The following NKAIN2 variants were observed in gnomAD, a reference collection of about 807,000 sequenced individuals.
NKAIN2 encodes the protein sodium/potassium transporting ATPase interacting 2, also known as sodium/potassium-transporting ATPase subunit beta-1-interacting protein 2.
Under a neutral mutation model 32.6 loss-of-function variants are expected in NKAIN2, and 14 were observed. The ratio of observed to expected loss-of-function variants is 0.43; its 90% CI spans 0.28 to 0.67. NKAIN2 has a LOEUF of 0.67. Ranked by LOEUF, NKAIN2 falls within the 30% of genes least tolerant of loss-of-function variation. The probability of loss-of-function intolerance (pLI) is 0.17; values close to 1 mark genes in which losing one functional copy is unlikely to be tolerated. For missense variants in NKAIN2, 198 were observed against 258.3 expected (o/e 0.77, Z 1.60); for synonymous variants, 80 against 87.2 (o/e 0.92, Z 0.46).
chr6:124,700,898 A>ACACACT (rs1369604570), intron 4 of NKAIN2, among the ~76,000 whole-genome samples: 4 of 148,576 alleles, frequency 2.7e-5, no homozygotes, highest in Non-Finnish European at 6.0e-5. Context: ...ACACACACAC[A>ACACACT]CTCTCTCATC....
At chr6:124,448,418 T>C (rs980435314) in intron 3 of NKAIN2, among the ~76,000 whole-genome samples, 11 of 152,158 alleles carry the variant, frequency 7.2e-5, no homozygotes, top group Non-Finnish European at 1.2e-4. Flanking sequence ...GTCAATTCCC[T>C]TCAATAATCA....
intron 4 of NKAIN2, among the ~76,000 whole-genome samples, chr6:124,699,238 A>C (rs1309048840): frequency 6.6e-6 from 1 of 152,188 alleles, no homozygotes; most frequent in Non-Finnish European, 1.5e-5. Flanking sequence ...AAGGTGGCTC[A>C]CAGTTGATGC....
intron 4 of NKAIN2, among the ~76,000 whole-genome samples, chr6:124,756,648 A>T (rs538492085): frequency 0.087 from 825 of 9,442 alleles, 9 homozygotes; most frequent in South Asian, 0.2. Context: ...AACAAATGCA[A>T]TTTTTAAAAA....
intron 4 of NKAIN2, 157 bp downstream of exon 4, chr6:124,658,543 T>G (rs1479039): frequency 1.4e-6 from 2 of 1,474,692 alleles, no homozygotes; most frequent in Non-Finnish European, 1.8e-6. Flanking sequence ...CAGGTTAAAC[T>G]AAACCATCCT....
intron 1 of NKAIN2, among the ~76,000 whole-genome samples, chr6:124,010,831 G>C (rs1780290603): frequency 6.6e-6 from 1 of 152,010 alleles, no homozygotes; most frequent in Non-Finnish European, 1.5e-5. Context: ...GAAACTGTGT[G>C]GTGGTGATTT....
At chr6:124,471,123 C>T (rs910876500) in intron 3 of NKAIN2, among the ~76,000 whole-genome samples, 1 of 152,146 alleles carries the variant, frequency 6.6e-6, no homozygotes, top group African/African-American at 2.4e-5. Context: ...AGTTTGCCAA[C>T]TCCTGGGTTG....
intron 1 of NKAIN2, among the ~76,000 whole-genome samples, chr6:124,018,905 A>G (rs1436627834): frequency 1.3e-5 from 2 of 152,104 alleles, no homozygotes; most frequent in Non-Finnish European, 2.9e-5. Flanking sequence ...GTCTGTTCTC[A>G]TGCTTCTAAC....
chr6:124,804,703 G>T (rs889481215), intron 5 of NKAIN2, among the ~76,000 whole-genome samples: 3 of 152,220 alleles, frequency 2.0e-5, no homozygotes, highest in African/African-American at 7.2e-5. Flanking sequence ...TGCCTCACTC[G>T]GGAAGCGCAA....
chr6:124,247,672 T>C (rs1793483225), intron 1 of NKAIN2, among the ~76,000 whole-genome samples: 1 of 152,118 alleles, frequency 6.6e-6, no homozygotes, highest in Admixed American at 6.6e-5. Flanking sequence ...TTTCTTTATC[T>C]CTCCTATATT....
chr6:124,165,012 G>A (rs1211989771), intron 1 of NKAIN2, among the ~76,000 whole-genome samples: 1 of 151,698 alleles, frequency 6.6e-6, no homozygotes, highest in Non-Finnish European at 1.5e-5. Context: ...AATCTTGTAG[G>A]GTTTTAGAAA....
At chr6:124,122,790 G>A (rs1485380805) in intron 1 of NKAIN2, among the ~76,000 whole-genome samples, 1 of 152,064 alleles carries the variant, frequency 6.6e-6, no homozygotes, top group Non-Finnish European at 1.5e-5. Flanking sequence ...CCTGGTTGAA[G>A]AAGTTTCCAT....
chr6:124,358,949 A>G (rs1799131332), intron 3 of NKAIN2, among the ~76,000 whole-genome samples: 3 of 151,228 alleles, frequency 2.0e-5, no homozygotes, highest in Admixed American at 2.0e-4. Flanking sequence ...TAATTTTTGT[A>G]TAAGGTGTAA....
intron 1 of NKAIN2, among the ~76,000 whole-genome samples, chr6:123,849,961 TGTTTG>T (rs763470686): frequency 0.42 from 38,310 of 91,112 alleles, 7,078 homozygotes; most frequent in East Asian, 0.63. Context: ...TTTTTTTTTT[TGTTTG>T]TTTGTTTTTT....
intron 1 of NKAIN2, among the ~76,000 whole-genome samples, chr6:124,162,189 T>C (rs937202202): frequency 6.6e-6 from 1 of 151,930 alleles, no homozygotes; most frequent in African/African-American, 2.4e-5. Flanking sequence ...GAGATATGAG[T>C]GTATACCTGC....
intron 3 of NKAIN2, among the ~76,000 whole-genome samples, chr6:124,400,328 G>A (rs1189135964): frequency 6.6e-6 from 1 of 152,124 alleles, no homozygotes; most frequent in Non-Finnish European, 1.5e-5. Context: ...ATAAGTGTCA[G>A]CACTTCAGTG....
intron 3 of NKAIN2, among the ~76,000 whole-genome samples, chr6:124,481,339 A>C (rs1777442006): frequency 6.6e-6 from 1 of 152,052 alleles, no homozygotes; most frequent in Non-Finnish European, 1.5e-5. Flanking sequence ...ATTTTTTTTA[A>C]ATCAGGGAAG....
chr6:124,482,258 T>A (rs985844236), intron 3 of NKAIN2, among the ~76,000 whole-genome samples: 1 of 152,198 alleles, frequency 6.6e-6, no homozygotes, highest in African/African-American at 2.4e-5. Flanking sequence ...TTGAAACTGA[T>A]TGTGGTTGGC....
intron 1 of NKAIN2, among the ~76,000 whole-genome samples, chr6:124,275,102 A>G (rs1161813171): frequency 6.6e-6 from 1 of 152,152 alleles, no homozygotes; most frequent in East Asian, 1.9e-4. Context: ...TGATAGCATG[A>G]GTATTAACTA....
At chr6:123,931,690 G>A (rs1173991693) in intron 1 of NKAIN2, among the ~76,000 whole-genome samples, 1 of 151,400 alleles carries the variant, frequency 6.6e-6, no homozygotes, top group Non-Finnish European at 1.5e-5. Context: ...AAGGATTTTA[G>A]GTAGTCTATG....
Sources: gnomAD v4.1 joint callset for allele counts (sites outside exome capture counted in the v4.1 genomes callset) on GRCh38, gnomAD v4.1.1 for gene constraint, MANE v1.5 for transcripts, NCBI Gene and HGNC (gene_info 2026-07-23, HGNC 2026-07-21) for gene names.